The following DOCK3 variants were observed in gnomAD, a reference collection of about 807,000 sequenced individuals.
DOCK3 encodes dedicator of cytokinesis 3, also known as dedicator of cytokinesis protein 3.
In DOCK3, 60 loss-of-function variants were observed where a neutral mutation model predicts 265.6. The ratio of observed to expected loss-of-function variants is 0.23; its 90% CI spans 0.18 to 0.28. The LOEUF (loss-of-function observed/expected upper bound fraction) is 0.28. Among genes scored for constraint, DOCK3 ranks in the 10% least tolerant of loss-of-function variants. DOCK3 has a pLI of 1.00. For synonymous variants in DOCK3, 881 were observed against 938.0 expected (o/e 0.94, Z 1.11); for missense variants, 1,981 against 2,594.3 (o/e 0.76, Z 5.14).
intron 22 of DOCK3, among the ~76,000 whole-genome samples, chr3:51,250,142 C>T (rs1243878679): frequency 1.3e-5 from 2 of 151,724 alleles, no homozygotes; most frequent in Middle Eastern, 3.2e-3. Context: ...CTGCGGAAGG[C>T]CGCAGGGTCC....
intron 24 of DOCK3, among the ~76,000 whole-genome samples, chr3:51,274,074 C>T (rs1262948080): frequency 6.6e-6 from 1 of 152,212 alleles, no homozygotes; most frequent in Non-Finnish European, 1.5e-5. Flanking sequence ...GACAGCCTTC[C>T]TGAATTTAGG....
Position 50,675,124 on chromosome 3 carries a change from G to A in DOCK3, c.-140G>A. The A allele has an allele frequency of 2.0e-6, 1 of 495,394 alleles. No homozygotes were observed. The highest frequency in any genetic ancestry group is 2.6e-6 in the Non-Finnish European group (1 of 378,840). The allele number at this position is 495,394 out of a possible 1,614,324, so 30.7% of individuals were successfully genotyped here. On this transcript the variant is annotated 5_prime_UTR_variant, in exon 1 of 53. In the 5' UTR this introduces an upstream ATG that the reference lacks. Transcript: ENST00000266037. The surrounding 1 kb of genome is among the most constrained non-coding windows in gnomAD (Gnocchi z 6.1). Reference sequence around the variant, plus strand: ...GTGGCGGCGGCATCCCGGACGGCCTGTGAGGGATGCGCCGCCCACTGCCCC... The same window carrying A: ...GTGGCGGCGGCATCCCGGACGGCCTATGAGGGATGCGCCGCCCACTGCCCC...
At chr3:50,859,442 T>G (rs964184127) in intron 3 of DOCK3, among the ~76,000 whole-genome samples, 1 of 151,986 alleles carries the variant, frequency 6.6e-6, no homozygotes, top group African/African-American at 2.4e-5. Flanking sequence ...GGTCTCAATC[T>G]CTTGACCTCG....
intron 25 of DOCK3, chr3:51,276,393 G>A (rs1560334531): frequency 1.0e-6 from 1 of 985,346 alleles, no homozygotes; most frequent in Non-Finnish European, 1.2e-6. Flanking sequence ...GCTAAAGGAA[G>A]GAGAGAAATT....
At chr3:50,820,850 TTAA>T (rs2044369993) in intron 2 of DOCK3, among the ~76,000 whole-genome samples, 1 of 151,402 alleles carries the variant, frequency 6.6e-6, no homozygotes, top group Non-Finnish European at 1.5e-5. Flanking sequence ...TTTTAAGCTT[TTAA>T]TAATAGCCAT....
chr3:51,276,970 G>A (rs572983562), intron 25 of DOCK3, among the ~76,000 whole-genome samples: 13 of 152,276 alleles, frequency 8.5e-5, no homozygotes, highest in African/African-American at 3.1e-4. Context: ...TTGTGAGGTG[G>A]CCAGAGAAAG....
At chr3:50,829,734 A>G (rs948812214) in intron 2 of DOCK3, among the ~76,000 whole-genome samples, 9 of 152,228 alleles carry the variant, frequency 5.9e-5, no homozygotes, top group Non-Finnish European at 1.2e-4. Context: ...TGTCAGGACT[A>G]GAACCAGAAG....
intron 5 of DOCK3, among the ~76,000 whole-genome samples, chr3:50,936,372 C>G (rs2051361368): frequency 6.7e-6 from 1 of 148,548 alleles, no homozygotes; most frequent in Non-Finnish European, 1.5e-5. Flanking sequence ...GGATGTGGAG[C>G]CAAAAAAAAA....
rs1345417307 is a variant in DOCK3 at position 51,371,601 on chromosome 3, CT to C, written c.5294-2867del. On this transcript the variant is annotated intron_variant, in intron 49 of 52. Transcript: ENST00000266037. ...CAAAGAAGGGAGGAAACAGTCCACT[CT>C]GTTTGAAGTTTGTGTTTGGTATTAC... 2.0e-5 allele frequency among the ~76,000 whole-genome samples: 3 copies of C among 152,366 alleles called. No homozygotes were observed. The East Asian group carries it at 5.8e-4, about 29-fold the overall frequency.
At chr3:51,214,877 A>C (rs1220160741) in intron 14 of DOCK3, among the ~76,000 whole-genome samples, 1 of 152,126 alleles carries the variant, frequency 6.6e-6, no homozygotes, top group Non-Finnish European at 1.5e-5. Flanking sequence ...GGTCAGTATC[A>C]GGTTCTTGTT....
At chr3:51,177,386 A>G (rs2087016704) in intron 12 of DOCK3, among the ~76,000 whole-genome samples, 1 of 152,212 alleles carries the variant, frequency 6.6e-6, no homozygotes. Flanking sequence ...TTGTTAACCA[A>G]TAATATAGGC....
intron 5 of DOCK3, among the ~76,000 whole-genome samples, chr3:51,007,648 G>T (rs1016016817): frequency 6.6e-5 from 10 of 152,008 alleles, no homozygotes; most frequent in African/African-American, 2.4e-4. Flanking sequence ...GTCAATTTTG[G>T]CTTTTGTTGC....
At chr3:50,742,265 T>C (rs1194968713) in intron 1 of DOCK3, among the ~76,000 whole-genome samples, 3 of 151,988 alleles carry the variant, frequency 2.0e-5, no homozygotes, top group Non-Finnish European at 2.9e-5. Context: ...GCAGAAAAAC[T>C]GGAAACTCTA....
chr3:50,823,304 G>A (rs960449981), intron 2 of DOCK3, among the ~76,000 whole-genome samples: 8 of 152,132 alleles, frequency 5.3e-5, no homozygotes, highest in African/African-American at 1.9e-4. Flanking sequence ...AGGACCCTGC[G>A]GCCTTCCGGC....
chr3:50,773,257 C>T (rs896860813), intron 1 of DOCK3, among the ~76,000 whole-genome samples: 1 of 151,490 alleles, frequency 6.6e-6, no homozygotes, highest in South Asian at 2.1e-4. Context: ...AACTAGACTC[C>T]TATCTCTTAC....
chr3:51,271,039 C>A lies in DOCK3; in HGVS notation c.2548+32C>A. On this transcript the variant is annotated intron_variant, in intron 24 of 52. Coordinates refer to ENST00000266037, the MANE Select transcript of DOCK3 (RefSeq NM_004947.5). ...CAAGTTGGGATGAGAGTCCTCCTTC[C>A]TTCCAGGGGTGTCCTCCTTCCTTCC... 4 of 1,588,368 alleles carry A rather than the reference C, an allele frequency of 2.5e-6. No homozygotes were observed. The South Asian group carries it at 4.6e-5, about 18-fold the overall frequency.
intron 35 of DOCK3, among the ~76,000 whole-genome samples, chr3:51,334,637 T>C (rs2084746613): frequency 6.6e-6 from 1 of 152,188 alleles, no homozygotes; most frequent in Non-Finnish European, 1.5e-5. Flanking sequence ...GGGCCCCTTT[T>C]ACAGCAGGAG....
At chr3:51,181,614 A>G (rs979854419) in intron 12 of DOCK3, among the ~76,000 whole-genome samples, 2 of 152,172 alleles carry the variant, frequency 1.3e-5, no homozygotes, top group African/African-American at 4.8e-5. Flanking sequence ...ATTTAATAAC[A>G]TATAAACAGT....
intron 9 of DOCK3, among the ~76,000 whole-genome samples, chr3:51,112,776 C>T (rs1474683810): frequency 6.6e-6 from 1 of 152,030 alleles, no homozygotes; most frequent in Admixed American, 6.6e-5. Flanking sequence ...AATGCACATA[C>T]AATTAAAGTT....
Sources: allele counts gnomAD v4.1 joint callset (sites outside exome capture counted in the v4.1 genomes callset), GRCh38; gene constraint gnomAD v4.1.1; non-coding constraint Gnocchi (gnomAD v3.1); transcripts MANE v1.5; gene names NCBI Gene and HGNC (gene_info 2026-07-23, HGNC 2026-07-21).